PRDM6: variants seen among roughly 807,000 people sequenced by gnomAD.
PRDM6 encodes PR/SET domain 6, also known as putative histone-lysine N-methyltransferase PRDM6.
A neutral mutation model predicts 60.8 loss-of-function variants in PRDM6; 25 were observed. That is an observed-to-expected ratio of 0.41 (90% CI 0.30 to 0.57). PRDM6 has a LOEUF of 0.57. Among genes scored for constraint, PRDM6 ranks in the 20% least tolerant of loss-of-function variants. The probability of loss-of-function intolerance (pLI) is 0.27; values close to 1 mark genes in which losing one functional copy is unlikely to be tolerated. For missense variants in PRDM6, 839 were observed against 821.3 expected, an observed-to-expected ratio of 1.02 and a Z score of -0.26; for synonymous variants, 407 against 357.4, an observed-to-expected ratio of 1.14 and a Z score of -1.57.
At chr5:123,177,186 G>A (rs1041069457) in intron 6 of PRDM6, among the ~76,000 whole-genome samples, 2 of 152,016 alleles carry the variant, frequency 1.3e-5, no homozygotes, top group African/African-American at 4.8e-5. Flanking sequence ...TGAAACCCTA[G>A]GCACATAATC....
At chr5:123,180,345 A>C (rs760595363) in intron 7 of PRDM6, 22 bp downstream of exon 7, 1 of 1,534,070 alleles carries the variant, frequency 6.5e-7, no homozygotes, top group Non-Finnish European at 8.8e-7. Flanking sequence ...CTAGCCCTCC[A>C]CCCTCTCTTT....
Position 123,187,127 on chromosome 5 carries a change from C to T in PRDM6, c.1714C>T (p.Leu572=). ...GAGGAGCTTCACGCAGGCCACCCAG[C>T]TGAGCCGACACCAGCGGATGCCCAA... ...CERSFTQATQ[L]SRHQRMPNEC... is the part of the protein sequence containing the mutation. Residue 572 remains leucine (L), a synonymous_variant, in exon 8 of 8, where the codon CTG becomes TTG. Transcript: ENST00000407847. 1 of 1,551,620 alleles carries T rather than the reference C, an allele frequency of 6.4e-7. No homozygotes were observed. The highest frequency in any genetic ancestry group is 1.4e-5 in the African/African-American group (1 of 73,180).
At chr5:123,168,276 T>A (rs1765804643) in intron 5 of PRDM6, among the ~76,000 whole-genome samples, 1 of 152,196 alleles carries the variant, frequency 6.6e-6, no homozygotes, top group African/African-American at 2.4e-5. Flanking sequence ...AACGTAAGTA[T>A]ATATAACATG....
chr5:123,178,505 G>C lies in PRDM6; in HGVS notation c.1497-1642G>C, dbSNP rs796857056. Among the ~76,000 whole-genome samples, 3 of 152,124 alleles carry C rather than the reference G, an allele frequency of 2.0e-5. No individual in the cohort carries two copies. The South Asian group carries it at 6.2e-4, about 32-fold the overall frequency. ...CATATAATTTTAATGGTTTTCAAAG[G>C]ATTATTTTATGATTATAATAAAATG... On this transcript the variant is annotated intron_variant, in intron 6 of 7. Transcript: ENST00000407847.
rs1182614216 is a variant in PRDM6, at chr5:123,090,215, C to G, written c.201C>G (p.Asp67Glu). The G allele has an allele frequency of 6.8e-7, 1 of 1,472,900 alleles. No homozygotes were observed. Among genetic ancestry groups the G allele is most frequent in the African/African-American group, 1.5e-5 (1 of 68,116 alleles). 91.2% of individuals were successfully genotyped at this position (1,472,900 alleles called of 1,614,324 possible). A position where few individuals can be genotyped will look rare whatever the true frequency, so the allele number is the denominator to read the frequency against. ...CGGAGCGCGCTGAGCCTCCGCCGGA[C>G]AGCCTGCGCCCGCGGCCCGCCTCTC... is the stretch of plus-strand genomic sequence containing the variant. ...PPPERAEPPPDSLRPRPASLS... is the reference protein window; with the variant it reads ...PPPERAEPPPESLRPRPASLS... Residue 67 changes from aspartate to glutamate, a missense_variant, in exon 2 of 8, where the codon GAC becomes GAG. By Grantham distance (45) the Asp-to-Glu change is conservative. Around this residue, in one of 2 missense-constraint regions of PRDM6, gnomAD observed 730 missense variants for 648.8 expected, o/e 1.13. Coordinates refer to ENST00000407847, the MANE Select transcript of PRDM6 (RefSeq NM_001136239.4).
At chr5:123,183,929 T>G (rs1766223946) in intron 7 of PRDM6, among the ~76,000 whole-genome samples, 1 of 152,136 alleles carries the variant, frequency 6.6e-6, no homozygotes. Flanking sequence ...AGGCCAGAAT[T>G]TTCCTTAGGA....
chr5:123,119,025 CAAA>C (rs1236338705), intron 3 of PRDM6, among the ~76,000 whole-genome samples: 2 of 152,036 alleles, frequency 1.3e-5, no homozygotes, highest in Non-Finnish European at 2.9e-5. Flanking sequence ...AAACAAAAAA[CAAA>C]GAAGACCCCA....
intron 3 of PRDM6, among the ~76,000 whole-genome samples, chr5:123,150,223 T>A (rs1765343413): frequency 6.6e-6 from 1 of 152,128 alleles, no homozygotes; most frequent in Admixed American, 6.6e-5. Flanking sequence ...AAGTCTCAGT[T>A]TCCTTAAGAG....
intron 2 of PRDM6, among the ~76,000 whole-genome samples, chr5:123,092,552 G>A (rs926260916): frequency 6.6e-6 from 1 of 152,144 alleles, no homozygotes; most frequent in Non-Finnish European, 1.5e-5. Context: ...CCAGTTTATT[G>A]CCTGGGTAAC....
At chr5:123,132,826 G>A (rs890655621) in intron 3 of PRDM6, among the ~76,000 whole-genome samples, 1 of 151,988 alleles carries the variant, frequency 6.6e-6, no homozygotes. Context: ...AAAAAATTAT[G>A]TCCCAGATAT....
At chr5:123,154,691 T>G (rs1285114986) in intron 3 of PRDM6, among the ~76,000 whole-genome samples, 2 of 152,136 alleles carry the variant, frequency 1.3e-5, no homozygotes, top group Admixed American at 1.3e-4. Flanking sequence ...AGGCTCTCTC[T>G]AACACTTATT....
At chr5:123,101,321 G>C (rs372864228) in intron 3 of PRDM6, among the ~76,000 whole-genome samples, 1 of 152,136 alleles carries the variant, frequency 6.6e-6, no homozygotes, top group African/African-American at 2.4e-5. Flanking sequence ...CTGAGTGTAT[G>C]AGTCTACAGC....
intron 3 of PRDM6, among the ~76,000 whole-genome samples, chr5:123,115,303 C>A (rs941523717): frequency 3.9e-5 from 6 of 152,096 alleles, no homozygotes; most frequent in Admixed American, 6.6e-5. Context: ...AACCATGGGG[C>A]CTTTATACTT....
intron 3 of PRDM6, among the ~76,000 whole-genome samples, chr5:123,100,735 A>G (rs1764083406): frequency 6.6e-6 from 1 of 152,264 alleles, no homozygotes; most frequent in Admixed American, 6.5e-5. Flanking sequence ...TGAAGCAATT[A>G]TTTAAAAATA....
intron 2 of PRDM6, among the ~76,000 whole-genome samples, chr5:123,092,172 T>C (rs1307294832): frequency 6.6e-6 from 1 of 152,248 alleles, no homozygotes; most frequent in African/African-American, 2.4e-5. Flanking sequence ...TTTTACAACA[T>C]TATACTCTCC....
chr5:123,163,571 A>G (rs555200346), intron 5 of PRDM6, among the ~76,000 whole-genome samples: 1 of 152,176 alleles, frequency 6.6e-6, no homozygotes, highest in Admixed American at 6.5e-5. Flanking sequence ...GTCGTATTAT[A>G]AATGTAATAG....
At chr5:123,125,647 G>A (rs985185106) in intron 3 of PRDM6, among the ~76,000 whole-genome samples, 2 of 152,168 alleles carry the variant, frequency 1.3e-5, no homozygotes, top group African/African-American at 4.8e-5. Context: ...ATTGGAATTA[G>A]GATTAAGGAA....
intron 3 of PRDM6, among the ~76,000 whole-genome samples, chr5:123,121,264 G>A (rs1462447365): frequency 6.6e-6 from 1 of 152,026 alleles, no homozygotes; most frequent in East Asian, 1.9e-4. Context: ...AATAAATAGT[G>A]AATAAGTTCT....
chr5:123,160,856 G>A (rs1765614220), intron 5 of PRDM6, among the ~76,000 whole-genome samples: 1 of 152,188 alleles, frequency 6.6e-6, no homozygotes, highest in Non-Finnish European at 1.5e-5. Context: ...CCTGTTTGAG[G>A]GAGTTCCTGT....
Sources: gnomAD v4.1 joint callset for allele counts (sites outside exome capture counted in the v4.1 genomes callset) on GRCh38, gnomAD v4.1.1 for gene constraint, gnomAD v4.1.1 regional missense constraint, MANE v1.5 for transcripts, NCBI Gene and HGNC (gene_info 2026-07-23, HGNC 2026-07-21) for gene names.